Variants in SLC30A6 observed in about 807,000 individuals in gnomAD.
The protein encoded by SLC30A6 is solute carrier family 30 member 6.
Under a neutral mutation model 63.0 loss-of-function variants are expected in SLC30A6, and 55 were observed. The ratio of observed to expected loss-of-function variants is 0.87; its 90% CI spans 0.70 to 1.09. The LOEUF (loss-of-function observed/expected upper bound fraction) is 1.09, where lower values mean the gene tolerates loss of function less well. SLC30A6 is among the 50% of genes least tolerant of loss of function. SLC30A6 has a pLI of 0.00. For missense variants in SLC30A6, 587 were observed against 549.2 expected, an observed-to-expected ratio of 1.07 and a Z score of -0.69; for synonymous variants, 224 against 186.1, an observed-to-expected ratio of 1.20 and a Z score of -1.66.
chr2:32,171,518 G>A, intron 2 of SLC30A6, 145 bp downstream of exon 2: 1 of 575,386 alleles, frequency 1.7e-6, no homozygotes. Context: ...TATTTTTTTA[G>A]TGTAAAATTG....
intron 7 of SLC30A6, 83 bp downstream of exon 7, chr2:32,193,036 G>C (rs1683477213): frequency 1.7e-5 from 15 of 869,214 alleles, no homozygotes; most frequent in Admixed American, 5.1e-5. Flanking sequence ...GCCAATGTCA[G>C]ATTTCAGACT....
At chr2:32,197,883 G>C in intron 10 of SLC30A6, 57 bp downstream of exon 10, 1 of 1,598,788 alleles carries the variant, frequency 6.3e-7, no homozygotes, top group Non-Finnish European at 8.5e-7. Context: ...TTACTTTTAA[G>C]GGCATCAGCA....
chr2:32,190,942 C>T (rs1180437362), intron 5 of SLC30A6, among the ~76,000 whole-genome samples: 1 of 152,240 alleles, frequency 6.6e-6, no homozygotes, highest in African/African-American at 2.4e-5. Flanking sequence ...TTTTATGTGC[C>T]ACATTTTTCA....
At chr2:32,216,813 C>T (rs1685751809) in intron 13 of SLC30A6, among the ~76,000 whole-genome samples, 2 of 151,258 alleles carry the variant, frequency 1.3e-5, no homozygotes, top group Admixed American at 6.6e-5. Context: ...AGATCTTTGT[C>T]TGATGCATAG....
intron 13 of SLC30A6, among the ~76,000 whole-genome samples, chr2:32,214,929 A>G (rs1481539333): frequency 6.6e-6 from 1 of 152,230 alleles, no homozygotes; most frequent in Non-Finnish European, 1.5e-5. Context: ...ACTTGATTTC[A>G]AGACGTGGCT....
Position 32,192,933 on chromosome 2 carries a change from G to T in SLC30A6, c.381G>T (p.Leu127Phe). 1 of 1,523,152 alleles carries T rather than the reference G, an allele frequency of 6.6e-7. No individual in the cohort carries two copies. Among genetic ancestry groups the T allele is most frequent in the Admixed American group, 1.9e-5 (1 of 53,656 alleles). The allele number at this position is 1,523,152 out of a possible 1,614,324, so 94.4% of individuals were successfully genotyped here. ...FILKESAERF[L>F]EQPEIHTGRL... ...TTTCTTATAGTGCAGAACGCTTTTTGGAACAGCCCGAGATACACACGTGAG... is the reference window on the plus strand; with the variant it reads ...TTTCTTATAGTGCAGAACGCTTTTTTGAACAGCCCGAGATACACACGTGAG... Residue 127 changes from leucine to phenylalanine, a missense_variant, in exon 7 of 14, where the codon TTG becomes TTT. Physicochemically the swap from Leu to Phe is conservative, Grantham distance 22 (BLOSUM62 0). Coordinates refer to ENST00000282587, the MANE Select transcript of SLC30A6 (RefSeq NM_017964.5).
At chr2:32,176,557 CTGAGGCAGGACAATTGCTTGAACCTG>C (rs984675135) in intron 4 of SLC30A6, among the ~76,000 whole-genome samples, 8 of 150,874 alleles carry the variant, frequency 5.3e-5, no homozygotes, top group Non-Finnish European at 1.0e-4. Context: ...ACTCGGGAGG[CTGAGGCAGGACAATTGCTTGAACCTG>C]GGAGGCAGAG....
chr2:32,210,915 G>A (rs1685204517), intron 13 of SLC30A6, among the ~76,000 whole-genome samples: 1 of 152,138 alleles, frequency 6.6e-6, no homozygotes, highest in African/African-American at 2.4e-5. Flanking sequence ...TGACCAGAGT[G>A]TCAAGAGACC....
At position 32,174,901 on chromosome 2, in the gene SLC30A6, G is replaced by A. The variant is rs543613292; in HGVS notation, c.176-418G>A. Among the ~76,000 whole-genome samples, 153 of 152,248 alleles carry A rather than the reference G, an allele frequency of 1.0e-3. 1 individual carries two copies. The highest frequency in any genetic ancestry group is 3.5e-3 in the African/African-American group (147 of 41,554). On this transcript the variant is annotated intron_variant, in intron 3 of 13. Coordinates refer to ENST00000282587, the MANE Select transcript of SLC30A6 (RefSeq NM_017964.5). ...ATTAAAACTTTAATTTATGCAGTTT[G>A]TAAGTTAGATTTTGAGGTTTGTTGG...
At chr2:32,202,252 CA>C (rs1684354752) in intron 10 of SLC30A6, 1 of 683,842 alleles carries the variant, frequency 1.5e-6, no homozygotes, top group Admixed American at 2.8e-5. Context: ...AGCTCAAGCA[CA>C]GACGGGAACA....
At chr2:32,190,723 C>G (rs1390704475) in intron 5 of SLC30A6, among the ~76,000 whole-genome samples, 1 of 152,154 alleles carries the variant, frequency 6.6e-6, no homozygotes, top group Non-Finnish European at 1.5e-5. Context: ...CTCCCAGGTT[C>G]AAGCAATTCT....
chr2:32,172,461 T>G (rs944080361), intron 2 of SLC30A6, among the ~76,000 whole-genome samples: 5 of 151,860 alleles, frequency 3.3e-5, no homozygotes, highest in African/African-American at 1.2e-4. Context: ...GGATCCTCCT[T>G]CCTCAGCCTC....
rs1686281875 is a variant in SLC30A6, at chr2:32,223,988, G to A, written c.*3275G>A. On this transcript the variant is annotated 3_prime_UTR_variant, in exon 14 of 14. Transcript: ENST00000282587. ...AACTTCCAAGTTTTGCTTGACTAAA[G>A]AATGCTGATCTTTTTTGGGAGTCTG... is the stretch of plus-strand genomic sequence containing the variant. 1 of 152,316 alleles carries A rather than the reference G, an allele frequency of 6.6e-6. No homozygotes were observed. The highest frequency in any genetic ancestry group is 1.5e-5 in the Non-Finnish European group (1 of 68,150). 9.4% of individuals were successfully genotyped at this position (152,316 alleles called of 1,614,324 possible).
intron 4 of SLC30A6, among the ~76,000 whole-genome samples, chr2:32,181,422 G>T (rs900590111): frequency 6.6e-6 from 1 of 152,062 alleles, no homozygotes; most frequent in African/African-American, 2.4e-5. Context: ...TAAAATTGAT[G>T]AATTATAGAA....
At chr2:32,217,936 A>G (rs765220503) in intron 13 of SLC30A6, among the ~76,000 whole-genome samples, 18 of 151,940 alleles carry the variant, frequency 1.2e-4, no homozygotes, top group Non-Finnish European at 2.4e-4. Context: ...CTAAGGTTCA[A>G]TCAATTCTCC....
intron 13 of SLC30A6, among the ~76,000 whole-genome samples, chr2:32,214,121 G>A (rs890334968): frequency 5.9e-5 from 9 of 152,150 alleles, no homozygotes; most frequent in East Asian, 1.9e-4. Context: ...ATTTTTAGTA[G>A]AGATAGGGTT....
intron 10 of SLC30A6, among the ~76,000 whole-genome samples, chr2:32,200,037 C>T (rs1163633943): frequency 6.6e-6 from 1 of 151,810 alleles, no homozygotes; most frequent in Non-Finnish European, 1.5e-5. Context: ...ATCGCTTGAA[C>T]CCAGGAAGTG....
At chr2:32,197,446 A>T in intron 9 of SLC30A6, 54 bp downstream of exon 9, 1 of 1,510,608 alleles carries the variant, frequency 6.6e-7, no homozygotes, top group South Asian at 1.1e-5. Context: ...TACACAAGAA[A>T]TGCATCTATC....
chr2:32,184,598 C>G (rs1398709827), intron 5 of SLC30A6, among the ~76,000 whole-genome samples: 1 of 152,112 alleles, frequency 6.6e-6, no homozygotes, highest in Non-Finnish European at 1.5e-5. Context: ...ACCCCTATCT[C>G]TACTAAAAAT....
Sources: allele counts gnomAD v4.1 joint callset (sites outside exome capture counted in the v4.1 genomes callset), GRCh38; gene constraint gnomAD v4.1.1; transcripts MANE v1.5; gene names NCBI Gene and HGNC (gene_info 2026-07-23, HGNC 2026-07-21).